The following ATP9B variants were observed in gnomAD, a reference collection of about 807,000 sequenced individuals.
ATP9B encodes ATPase phospholipid transporting 9B, also known as probable phospholipid-transporting ATPase IIB.
In ATP9B, 110 loss-of-function variants were observed where a neutral mutation model predicts 146.1. That is an observed-to-expected ratio of 0.75 (90% CI 0.65 to 0.88). ATP9B has a LOEUF of 0.88. Ranked by LOEUF, ATP9B falls within the 40% of genes least tolerant of loss-of-function variation. ATP9B has a pLI of 0.00. For synonymous variants in ATP9B, 604 were observed against 569.7 expected, an observed-to-expected ratio of 1.06 and a Z score of -0.86; for missense variants, 1,499 against 1,496.4, an observed-to-expected ratio of 1.00 and a Z score of -0.03.
intron 8 of ATP9B, among the ~76,000 whole-genome samples, chr18:79,189,767 A>C (rs1186994341): frequency 1.3e-5 from 2 of 152,234 alleles, no homozygotes; most frequent in East Asian, 3.8e-4. Flanking sequence ...TTAATCCACC[A>C]CACATACTTA....
chr18:79,185,069 G>A (rs1340295445), intron 8 of ATP9B, among the ~76,000 whole-genome samples: 6 of 150,936 alleles, frequency 4.0e-5, no homozygotes, highest in African/African-American at 9.9e-5. Context: ...CGATCAGCAG[G>A]TGACAGAGGT....
rs114690984 is a variant in ATP9B at position 79,179,868 on chromosome 18, C to G, written c.873+2961C>G. 2.0e-3 allele frequency among the ~76,000 whole-genome samples: 307 copies of G among 152,306 alleles called. 3 individuals carry two copies. Among genetic ancestry groups the G allele is most frequent in the African/African-American group, 7.1e-3 (297 of 41,584 alleles). ...TTTCTACCATTCGTTCTCTGAATTA[C>G]TGAAGAAGACTTTTAAGATCCCATA... On this transcript the variant is annotated intron_variant, in intron 8 of 29. Transcript: ENST00000426216.
At chr18:79,375,358 C>T in intron 28 of ATP9B, 36 bp from the exon 29 acceptor site, 2 of 1,574,740 alleles carry the variant, frequency 1.3e-6, no homozygotes, top group South Asian at 1.1e-5. Flanking sequence ...CTCCTTTAAT[C>T]TGTCCTTTAT....
At chr18:79,211,911 T>C (rs1195947676) in intron 10 of ATP9B, among the ~76,000 whole-genome samples, 2 of 152,248 alleles carry the variant, frequency 1.3e-5, no homozygotes, top group Non-Finnish European at 2.9e-5. Context: ...GGAATTCTTC[T>C]GTTTAAGTAT....
intron 7 of ATP9B, among the ~76,000 whole-genome samples, chr18:79,156,294 C>G (rs1157548665): frequency 6.6e-6 from 1 of 152,184 alleles, no homozygotes; most frequent in Non-Finnish European, 1.5e-5. Context: ...GACTCCCTTT[C>G]CTGCCTAGTT....
At chr18:79,331,081 T>C (rs905757876) in intron 17 of ATP9B, among the ~76,000 whole-genome samples, 1 of 152,346 alleles carries the variant, frequency 6.6e-6, no homozygotes, top group South Asian at 2.1e-4. Context: ...GTTAAGCTTA[T>C]GTATAAATCA....
chr18:79,282,824 G>C (rs545818851), intron 13 of ATP9B, among the ~76,000 whole-genome samples: 1 of 152,144 alleles, frequency 6.6e-6, no homozygotes, highest in Non-Finnish European at 1.5e-5. Flanking sequence ...ATCTGGGATT[G>C]AGTCTTGGTG....
chr18:79,157,194 C>T (rs1324646874), intron 7 of ATP9B, among the ~76,000 whole-genome samples: 1 of 143,108 alleles, frequency 7.0e-6, no homozygotes, highest in Non-Finnish European at 1.5e-5. Flanking sequence ...AACCCCGTCT[C>T]TACTAAAAAA....
At chr18:79,139,271 T>C (rs935623324) in intron 5 of ATP9B, among the ~76,000 whole-genome samples, 1 of 152,240 alleles carries the variant, frequency 6.6e-6, no homozygotes, top group South Asian at 2.1e-4. Flanking sequence ...TAATTTTTTA[T>C]AGTAAATCCA....
intron 8 of ATP9B, among the ~76,000 whole-genome samples, chr18:79,191,585 C>A (rs2095367125): frequency 1.3e-5 from 2 of 152,190 alleles, no homozygotes; most frequent in African/African-American, 4.8e-5. Flanking sequence ...CATCTGTAAT[C>A]TGTTAATCCC....
intron 5 of ATP9B, among the ~76,000 whole-genome samples, chr18:79,134,391 G>A (rs557623300): frequency 7.9e-5 from 12 of 152,286 alleles, no homozygotes; most frequent in Admixed American, 6.5e-4. Flanking sequence ...GGGGAGTGGC[G>A]TTACTCTGAG....
intron 13 of ATP9B, among the ~76,000 whole-genome samples, chr18:79,287,850 A>T (rs1468642697): frequency 1.3e-5 from 2 of 148,924 alleles, no homozygotes; most frequent in African/African-American, 4.9e-5. Flanking sequence ...GAACATCTTT[A>T]TTTCTGCCTT....
At chr18:79,094,161 C>T (rs2074586553) in intron 1 of ATP9B, among the ~76,000 whole-genome samples, 1 of 152,096 alleles carries the variant, frequency 6.6e-6, no homozygotes, top group Admixed American at 6.5e-5. Flanking sequence ...CCATCTGCTC[C>T]CCGCCAGTGC....
intron 11 of ATP9B, among the ~76,000 whole-genome samples, chr18:79,237,698 G>C (rs78836751): frequency 6.0e-5 from 8 of 132,656 alleles, no homozygotes; most frequent in Non-Finnish European, 1.3e-4. Context: ...TTGGGGGGGG[G>C]TGGGGGAAGA....
intron 13 of ATP9B, among the ~76,000 whole-genome samples, chr18:79,296,389 G>T (rs139060699): frequency 9.0e-4 from 137 of 152,300 alleles, no homozygotes; most frequent in African/African-American, 2.7e-3. Context: ...TGTAAATTGT[G>T]TGGTTTTTTC....
At chr18:79,197,536 GT>G (rs1417908493) in intron 9 of ATP9B, among the ~76,000 whole-genome samples, 3 of 152,082 alleles carry the variant, frequency 2.0e-5, no homozygotes, top group African/African-American at 7.2e-5. Flanking sequence ...AAGGAGGTAA[GT>G]TTTTTAAAAA....
intron 8 of ATP9B, among the ~76,000 whole-genome samples, chr18:79,180,288 A>G (rs977880498): frequency 2.6e-5 from 4 of 152,090 alleles, no homozygotes; most frequent in Admixed American, 2.0e-4. Flanking sequence ...TGTAGGTTCT[A>G]CTTATCCCAT....
At chr18:79,303,786 G>T (rs1221423391) in intron 14 of ATP9B, 70 bp downstream of exon 14, 7 of 1,101,344 alleles carry the variant, frequency 6.4e-6, no homozygotes, top group Non-Finnish European at 9.5e-6. Context: ...GCTGAGCCTC[G>T]TGTGTTCCCA....
chr18:79,348,165 G>A lies in ATP9B; in HGVS notation c.2872G>A (p.Val958Ile), dbSNP rs1175678389. Residue 958 changes from valine to isoleucine, a missense_variant, in exon 25 of 30, where the codon GTC becomes ATC. Val to Ile is a conservative substitution (Grantham distance 29). Coordinates refer to ENST00000426216, the MANE Select transcript of ATP9B (RefSeq NM_198531.5). ...VFSSVFYFAS[V>I]PLYQGFLMVG... is the part of the protein sequence containing the mutation. ...TTCCTCAGTCTTCTACTTCGCATCC[G>A]TCCCTTTGTATCAGGGCTTCCTCAT... is the stretch of plus-strand genomic sequence containing the variant. 13 of 1,608,078 alleles carry A rather than the reference G, an allele frequency of 8.1e-6. No individual in the cohort carries two copies. Among genetic ancestry groups the A allele is most frequent in the African/African-American group, 1.4e-5 (1 of 73,584 alleles).
Sources: allele counts gnomAD v4.1 joint callset (sites outside exome capture counted in the v4.1 genomes callset), GRCh38; gene constraint gnomAD v4.1.1; transcripts MANE v1.5; gene names NCBI Gene and HGNC (gene_info 2026-07-23, HGNC 2026-07-21).